MYO1C: variants seen among roughly 807,000 people sequenced by gnomAD.
MYO1C encodes myosin IC, also known as unconventional myosin-Ic.
MYO1C carries 104 observed loss-of-function variants against 150.8 expected under a neutral mutation model. The ratio of observed to expected loss-of-function variants is 0.69; its 90% confidence interval spans 0.59 to 0.81. The LOEUF (loss-of-function observed/expected upper bound fraction) is 0.81, where lower values mean the gene tolerates loss of function less well. Among genes scored for constraint, MYO1C ranks in the 30% least tolerant of loss-of-function variants. MYO1C has a pLI of 0.00. For synonymous variants in MYO1C, 663 were observed against 579.9 expected (o/e 1.14, Z -2.06); for missense variants, 1,504 against 1,435.0 (o/e 1.05, Z -0.78).
intron 17 of MYO1C, among the ~76,000 whole-genome samples, chr17:1,473,195 G>A (rs1324906144): frequency 2.6e-5 from 4 of 152,116 alleles, no homozygotes; most frequent in African/African-American, 2.4e-5. Context: ...GCGAGACTCC[G>A]TCTCAAAAAC....
In MYO1C at chr17:1,474,697, G is replaced by A. The variant is rs781536379; in HGVS notation, c.1717-7C>T. The A allele has an allele frequency of 3.7e-6, 6 of 1,613,978 alleles. No individual in the cohort carries two copies. Among genetic ancestry groups the A allele is most frequent in the Non-Finnish European group, 5.1e-6 (6 of 1,179,880 alleles). On this transcript the variant is annotated splice_polypyrimidine_tract_variant and splice_region_variant and intron_variant, in intron 16 of 31. Coordinates refer to ENST00000648651, the MANE Select transcript of MYO1C (RefSeq NM_001080779.2). ...TCTTTGAGCTACACATGGTCTGTGT[G>A]GGCAGAGCCGGGGTCAGGGTGGGGC...
In MYO1C at chr17:1,470,442, T is replaced by G. The variant is rs2074277398; in HGVS notation, c.2359A>C (p.Ile787Leu). 1.3e-5 allele frequency: 20 copies of G among 1,550,368 alleles called. No homozygotes were observed. The highest frequency in any genetic ancestry group is 2.4e-5 in the East Asian group (1 of 40,930). ...AAKRKWAAQT[I>L]RRLIRGFVLR... ...AGGCACCCTGGCGCTCACCGCCGGA[T>G]GGTCTGTGCCGCCCACTTCCTCTTG... Residue 787 changes from isoleucine to leucine, a missense_variant, in exon 23 of 32, where the codon ATC becomes CTC. Physicochemically the swap from Ile to Leu is conservative, Grantham distance 5. Transcript: ENST00000648651.
chr17:1,472,268 G>A, intron 17 of MYO1C, 40 bp from the exon 18 acceptor site: 1 of 1,572,564 alleles, frequency 6.4e-7, no homozygotes, highest in Non-Finnish European at 8.7e-7. Flanking sequence ...CCGGAGCTGG[G>A]CTAAAGCTGC....
chr17:1,485,629 C>A, intron 1 of MYO1C: 1 of 1,138,260 alleles, frequency 8.8e-7, no homozygotes. Flanking sequence ...GAGGCCGAGG[C>A]GACGCCGCGA....
Position 1,465,766 on chromosome 17 carries a change from G to A in MYO1C, c.3166-14C>T, listed in dbSNP as rs1272517745. Reference sequence around the variant, plus strand: ...CCGTGGGGCGACCTGTGGGGGCGGAGAGAGACGGCCAAGTGGTGAGGGGAG... The same window carrying A: ...CCGTGGGGCGACCTGTGGGGGCGGAAAGAGACGGCCAAGTGGTGAGGGGAG... On this transcript the variant is annotated splice_polypyrimidine_tract_variant and intron_variant, in intron 31 of 31. Coordinates refer to ENST00000648651, the MANE Select transcript of MYO1C (RefSeq NM_001080779.2). The A allele has an allele frequency of 1.5e-6, 2 of 1,319,576 alleles. No homozygotes were observed. The highest frequency in any genetic ancestry group is 2.0e-6 in the Non-Finnish European group (2 of 1,025,272). 81.7% of individuals were successfully genotyped at this position (1,319,576 alleles called of 1,614,324 possible).
Position 1,478,197 on chromosome 17 carries a change from A to G in MYO1C, c.1296-5T>C, listed in dbSNP as rs1479918505. On this transcript the variant is annotated splice_polypyrimidine_tract_variant and splice_region_variant and intron_variant, in intron 11 of 31. Coordinates refer to ENST00000648651, the MANE Select transcript of MYO1C (RefSeq NM_001080779.2). This position sits in a 1 kb window ranked among gnomAD's most constrained non-coding sequence, Gnocchi z 6.3. ...TTGATGCAGAACTGCTCAAAGCTGTAAGGAAGGAGAAGAGCCCACAGTGGC... is the reference window on the plus strand; with the variant it reads ...TTGATGCAGAACTGCTCAAAGCTGTGAGGAAGGAGAAGAGCCCACAGTGGC... 2 of 1,613,254 alleles carry G rather than the reference A, an allele frequency of 1.2e-6. No homozygotes were observed. The highest frequency in any genetic ancestry group is 2.2e-5 in the East Asian group (1 of 44,880).
intron 23 of MYO1C, 37 bp downstream of exon 23, chr17:1,470,398 C>T: frequency 6.5e-7 from 1 of 1,549,064 alleles, no homozygotes; most frequent in Non-Finnish European, 8.7e-7. Flanking sequence ...CCCCCACGCC[C>T]TGCTCTGCAG....
intron 24 of MYO1C, 143 bp from the exon 25 acceptor site, chr17:1,469,757 G>A: frequency 1.3e-6 from 1 of 781,818 alleles, no homozygotes; most frequent in Non-Finnish European, 2.1e-6. Context: ...TTACTCGGCA[G>A]GGCGCGGTGG....
rs370017336 is a variant in MYO1C, at chr17:1,474,645, G to A, written c.1762C>T (p.Arg588Trp). Residue 588 changes from arginine to tryptophan, a missense_variant, in exon 17 of 32, where the codon CGG (arginine) becomes TGG (tryptophan). Coordinates refer to ENST00000648651, the MANE Select transcript of MYO1C (RefSeq NM_001080779.2). ...KNPIMSQCFD[R>W]SELSDKKRPE... ...CGCTTCTTGTCACTGAGCTCGCTCC[G>A]GTCAAAGCACTGGCTCATAATGGGA... 1.6e-5 allele frequency: 26 copies of A among 1,613,844 alleles called. No individual in the cohort carries two copies. The highest frequency in any genetic ancestry group is 9.3e-5 in the African/African-American group (7 of 74,898).
At chr17:1,471,036 C>A (rs202015013) in intron 21 of MYO1C, 35 bp downstream of exon 21, 3 of 1,603,148 alleles carry the variant, frequency 1.9e-6, no homozygotes, top group East Asian at 2.2e-5. Context: ...CCAGAAGGGA[C>A]CCCGTGCAGC....
intron 7 of MYO1C, among the ~76,000 whole-genome samples, chr17:1,480,221 C>T (rs1173198279): frequency 3.4e-5 from 5 of 146,684 alleles, no homozygotes; most frequent in Admixed American, 6.8e-5. Flanking sequence ...CTGAGGCAGG[C>T]GGATCACCTG....
intron 14 of MYO1C, chr17:1,477,159 A>C: frequency 3.9e-6 from 1 of 258,296 alleles, no homozygotes; most frequent in Non-Finnish European, 7.6e-6. Context: ...TTTTTAAAAA[A>C]TTCATTATTT....
Position 1,482,512 on chromosome 17 carries a change from A to G in MYO1C, c.593T>C (p.Phe198Ser), listed in dbSNP as rs2074543598. The change falls in exon 5 of 32, where the codon TTC becomes TCC. Residue 198 changes from phenylalanine (F) to serine (S), a missense_variant. Coordinates refer to ENST00000648651, the MANE Select transcript of MYO1C (RefSeq NM_001080779.2). ...AAACTGCACATCCATGTACTTCCCG[A>G]ACCTGCTGGAGTTATCGTTCCGGAG... is the stretch of plus-strand genomic sequence containing the variant. The part of the protein sequence containing the change: ...KTLRNDNSSR[F>S]GKYMDVQFDF... 1 of 1,614,086 alleles carries G rather than the reference A, an allele frequency of 6.2e-7. No homozygotes were observed. The highest frequency in any genetic ancestry group is 8.5e-7 in the Non-Finnish European group (1 of 1,179,994).
intron 7 of MYO1C, among the ~76,000 whole-genome samples, chr17:1,480,140 A>G (rs1367276339): frequency 7.7e-4 from 64 of 83,176 alleles, no homozygotes; most frequent in South Asian, 2.0e-3. Context: ...GCGAGACTCC[A>G]TCTCAAAAAA....
intron 25 of MYO1C, chr17:1,468,773 G>A (rs2074235609): frequency 1.9e-6 from 1 of 534,346 alleles, no homozygotes; most frequent in African/African-American, 1.9e-5. Flanking sequence ...AGGCCCTGGT[G>A]GCCCTGAGAC....
At chr17:1,470,092 G>T in intron 24 of MYO1C, 83 bp downstream of exon 24, 1 of 1,431,800 alleles carries the variant, frequency 7.0e-7, no homozygotes, top group South Asian at 1.3e-5. Context: ...AGCCCTCCCT[G>T]ACCAATCCTT....
At chr17:1,483,113 CGA>C (rs2074571048) in intron 3 of MYO1C, 54 bp from the exon 4 acceptor site, 1 of 1,508,654 alleles carries the variant, frequency 6.6e-7, no homozygotes, top group Non-Finnish European at 8.9e-7. Context: ...CAGAGCCCCA[CGA>C]GAGTCCCGCT....
chr17:1,491,704 G>T (rs1024746907), intron 1 of MYO1C: 3 of 959,588 alleles, frequency 3.1e-6, no homozygotes, highest in Non-Finnish European at 3.7e-6. Context: ...GCCGGGGGCC[G>T]GGCCGCAGCC....
At position 1,479,281 on chromosome 17, in the gene MYO1C, C is replaced by T. The variant is rs909848540; in HGVS notation, c.1092+150G>A. 11 of 669,700 alleles carry T rather than the reference C, an allele frequency of 1.6e-5. No individual in the cohort carries two copies. The highest frequency in any genetic ancestry group is 2.7e-5 in the East Asian group (1 of 36,806). 41.5% of individuals were successfully genotyped at this position (669,700 alleles called of 1,614,324 possible). A position where few individuals can be genotyped will look rare whatever the true frequency, so the allele number is the denominator to read the frequency against. ...GTGCTGGGGTTACAGGCGTGAGCCA[C>T]GGCGCTCGGCTCTCACTCTGCTTCT... On this transcript the variant is annotated intron_variant, in intron 9 of 31. Coordinates refer to ENST00000648651, the MANE Select transcript of MYO1C (RefSeq NM_001080779.2). The surrounding 1 kb of genome is among the most constrained non-coding windows in gnomAD (Gnocchi z 4.2).
Sources: gnomAD v4.1 joint callset for allele counts (sites outside exome capture counted in the v4.1 genomes callset) on GRCh38, gnomAD v4.1.1 for gene constraint, Gnocchi (gnomAD v3.1) non-coding constraint, MANE v1.5 for transcripts, NCBI Gene and HGNC (gene_info 2026-07-23, HGNC 2026-07-21) for gene names.